PTPRT: variants seen among roughly 807,000 people sequenced by gnomAD.
PTPRT encodes protein tyrosine phosphatase receptor type T.
In PTPRT, 56 loss-of-function variants were observed where a neutral mutation model predicts 176.8. The ratio of observed to expected loss-of-function variants is 0.32; its 90% confidence interval spans 0.26 to 0.40. The LOEUF (loss-of-function observed/expected upper bound fraction) is 0.40, where lower values mean the gene tolerates loss of function less well. Ranked by LOEUF, PTPRT falls within the 10% of genes least tolerant of loss-of-function variation. The pLI is 1.00. For missense variants in PTPRT, 1,540 were observed against 1,908.2 expected (o/e 0.81, Z 3.60); for synonymous variants, 783 against 739.0 (o/e 1.06, Z -0.96).
At chr20:42,858,008 G>T (rs977374593) in intron 2 of PTPRT, among the ~76,000 whole-genome samples, 3 of 152,136 alleles carry the variant, frequency 2.0e-5, no homozygotes, top group Non-Finnish European at 4.4e-5. Context: ...GGAGTATCTT[G>T]TCCAAAGCTG....
Position 42,077,717 on chromosome 20 carries a change from C to T in PTPRT, c.*3162G>A, listed in dbSNP as rs949030053. 2.4e-5 allele frequency: 5 copies of T among 212,084 alleles called. No individual in the cohort carries two copies. Among genetic ancestry groups the T allele is most frequent in the Non-Finnish European group, 4.8e-5 (5 of 104,778 alleles). 13.1% of individuals were successfully genotyped at this position (212,084 alleles called of 1,614,324 possible). On this transcript the variant is annotated 3_prime_UTR_variant, in exon 31 of 31. Transcript: ENST00000373187. ...CACTGGCCTAAGACCTATTCACTGT[C>T]CTGCTTTAGAGAATGGTTGGGTTGT... is the stretch of plus-strand genomic sequence containing the variant.
At chr20:42,857,851 C>A (rs564169905) in intron 2 of PTPRT, among the ~76,000 whole-genome samples, 31 of 152,336 alleles carry the variant, frequency 2.0e-4, no homozygotes, top group African/African-American at 7.5e-4. Flanking sequence ...TCTTCTCCTG[C>A]AGAAGGTGTC....
In PTPRT at chr20:42,750,747, G is replaced by A. The variant is rs944348927; in HGVS notation, c.859+5715C>T. Among the ~76,000 whole-genome samples, 3 of 152,096 alleles carry A rather than the reference G, an allele frequency of 2.0e-5. No homozygotes were observed. The East Asian group carries it at 5.8e-4, about 29-fold the overall frequency. On this transcript the variant is annotated intron_variant, in intron 6 of 30. Transcript: ENST00000373187. ...AGAAAATTTTCATCAAGATACATCT[G>A]CATAACTTTGGTTGCAGACACTCAA...
intron 15 of PTPRT, among the ~76,000 whole-genome samples, chr20:42,205,754 A>C (rs1017449459): frequency 6.6e-6 from 1 of 152,046 alleles, no homozygotes; most frequent in Non-Finnish European, 1.5e-5. Flanking sequence ...CAATCTCCAG[A>C]TAAACTTTCC....
At chr20:42,434,263 C>T (rs1267353608) in intron 9 of PTPRT, among the ~76,000 whole-genome samples, 2 of 152,104 alleles carry the variant, frequency 1.3e-5, no homozygotes, top group Admixed American at 6.5e-5. Context: ...GCCATCATAG[C>T]GATGTCGATA....
chr20:42,092,811 G>A (rs1984768415), intron 27 of PTPRT, among the ~76,000 whole-genome samples: 1 of 152,176 alleles, frequency 6.6e-6, no homozygotes, highest in South Asian at 2.1e-4. Context: ...GGGAGAATGA[G>A]GAGCTTGCCT....
chr20:42,664,929 G>A (rs115969626), intron 7 of PTPRT, among the ~76,000 whole-genome samples: 11,840 of 152,168 alleles, frequency 0.078, 511 homozygotes, highest in South Asian at 0.16. Context: ...CTCCTTACAC[G>A]CCTTACACAA....
chr20:42,373,252 T>G lies in PTPRT; in HGVS notation c.1561-20967A>C, dbSNP rs116067956. Reference sequence around the variant, plus strand: ...AGTCAAGGTCATGGAACTAATGGTATGCTGCCAGGCTGGGCTCTGGCTTCT... The same window carrying G: ...AGTCAAGGTCATGGAACTAATGGTAGGCTGCCAGGCTGGGCTCTGGCTTCT... On this transcript the variant is annotated intron_variant, in intron 9 of 30. Coordinates refer to ENST00000373187, the MANE Select transcript of PTPRT (RefSeq NM_007050.6). Among the ~76,000 whole-genome samples the G allele has an allele frequency of 7.2e-3, 1,104 of 152,334 alleles. 16 individuals are homozygous for G. The highest frequency in any genetic ancestry group is 0.025 in the African/African-American group (1,025 of 41,574).
rs3091543 is a variant in PTPRT at position 42,661,218 on chromosome 20, G to A, written c.1153+16648C>T. ...AAGCTAGACCAACAAGGTCCTTTGC[G>A]AAGTGACTTTTAAAGGGACATGTAA... On this transcript the variant is annotated intron_variant, in intron 7 of 30. Coordinates refer to ENST00000373187, the MANE Select transcript of PTPRT (RefSeq NM_007050.6). Among the ~76,000 whole-genome samples the A allele has an allele frequency of 5.9e-5, 9 of 152,148 alleles. No individual in the cohort carries two copies. The East Asian group carries it at 9.7e-4, about 16-fold the overall frequency.
intron 20 of PTPRT, among the ~76,000 whole-genome samples, chr20:42,119,352 A>G (rs1987465898): frequency 6.6e-6 from 1 of 152,204 alleles, no homozygotes; most frequent in Admixed American, 6.5e-5. Flanking sequence ...ATTGTTGGGC[A>G]TTTAAGATTT....
chr20:42,037,290 C>T, the PTPRT span, among the ~76,000 whole-genome samples: 1 of 152,196 alleles, frequency 6.6e-6, no homozygotes, highest in Non-Finnish European at 1.5e-5. Flanking sequence ...CTGCTGACAG[C>T]CCATCCTGTG....
At chr20:42,231,253 C>T (rs144103081) in intron 15 of PTPRT, among the ~76,000 whole-genome samples, 10 of 152,330 alleles carry the variant, frequency 6.6e-5, no homozygotes, top group South Asian at 2.1e-4. Flanking sequence ...GCTCCAAGCA[C>T]GTGGTCCAGG....
chr20:42,184,535 C>CTCCTCTTCTTCTTCTTCTTCT (rs1990657752), intron 16 of PTPRT, among the ~76,000 whole-genome samples: 4 of 36,616 alleles, frequency 1.1e-4, no homozygotes. Context: ...CTTCTTCTTC[C>CTCCTCTTCTTCTTCTTCTTCT]TCTTCCTCTT....
At chr20:42,943,583 A>AC (rs1237726056) in intron 1 of PTPRT, among the ~76,000 whole-genome samples, 1 of 152,138 alleles carries the variant, frequency 6.6e-6, no homozygotes, top group African/African-American at 2.4e-5. Flanking sequence ...AGGCACAGGG[A>AC]TGAGGAAGCA....
At chr20:43,134,778 ATTG>A (rs1355750065) in intron 1 of PTPRT, among the ~76,000 whole-genome samples, 2 of 152,170 alleles carry the variant, frequency 1.3e-5, no homozygotes, top group African/African-American at 4.8e-5. Context: ...GTATTAATGA[ATTG>A]TTGTCAGTTT....
Position 42,118,463 on chromosome 20 carries a change from C to G in PTPRT, c.2922G>C (p.Met974Ile). The G allele has an allele frequency of 6.2e-7, 1 of 1,613,162 alleles. No homozygotes were observed. Among genetic ancestry groups the G allele is most frequent in the Admixed American group, 1.7e-5 (1 of 59,962 alleles). The change falls in exon 21 of 31, where the codon ATG becomes ATC. Residue 974 changes from methionine (M) to isoleucine (I), a missense_variant. Coordinates refer to ENST00000373187, the MANE Select transcript of PTPRT (RefSeq NM_007050.6). Reference sequence around the variant, plus strand: ...TGCTGGCGGAGTTCTCCTGCCAGATCATTCTCCAAAAGTCCTTTACAGTCT... The same window carrying G: ...TGCTGGCGGAGTTCTCCTGCCAGATGATTCTCCAAAAGTCCTTTACAGTCT... ...MQETVKDFWR[M>I]IWQENSASIV... is the part of the protein sequence containing the mutation.
chr20:42,258,770 G>A (rs532182551), intron 13 of PTPRT, among the ~76,000 whole-genome samples: 1 of 152,254 alleles, frequency 6.6e-6, no homozygotes, highest in Admixed American at 6.5e-5. Context: ...TTCATCATAT[G>A]ACAGTAATTG....
At chr20:42,617,763 T>C (rs1235558119) in intron 7 of PTPRT, among the ~76,000 whole-genome samples, 1 of 139,484 alleles carries the variant, frequency 7.2e-6, no homozygotes, top group East Asian at 2.0e-4. Context: ...GTAGTTTGTA[T>C]TTCTGTGGGA....
At chr20:42,300,557 A>C (rs1179235057) in intron 12 of PTPRT, among the ~76,000 whole-genome samples, 2 of 151,996 alleles carry the variant, frequency 1.3e-5, no homozygotes, top group East Asian at 3.9e-4. Context: ...CAATTTGAGC[A>C]TAAAAGTAAA....
Sources: allele counts gnomAD v4.1 joint callset (sites outside exome capture counted in the v4.1 genomes callset), GRCh38; gene constraint gnomAD v4.1.1; transcripts MANE v1.5; gene names NCBI Gene and HGNC (gene_info 2026-07-23, HGNC 2026-07-21).